Variants in CNTN1 observed in about 807,000 individuals in gnomAD.
The protein encoded by CNTN1 is contactin-1.
CNTN1 carries 38 observed loss-of-function variants against 126.4 expected under a neutral mutation model. The ratio of observed to expected loss-of-function variants is 0.30; its 90% confidence interval spans 0.23 to 0.39. The LOEUF (loss-of-function observed/expected upper bound fraction) is 0.39. Ranked by LOEUF, CNTN1 falls within the 10% of genes least tolerant of loss-of-function variation. CNTN1 has a pLI of 1.00. For missense variants in CNTN1, 1,009 were observed against 1,248.4 expected (o/e 0.81, Z 2.89); for synonymous variants, 413 against 422.6 (o/e 0.98, Z 0.28).
chr12:40,937,107 TTC>T (rs753079299), intron 10 of CNTN1, among the ~76,000 whole-genome samples: 3 of 151,682 alleles, frequency 2.0e-5, no homozygotes, highest in Non-Finnish European at 2.9e-5. Flanking sequence ...TTACTCTACC[TTC>T]TCTCTCTCTC....
chr12:40,972,744 T>C (rs1947558825), intron 15 of CNTN1: 1 of 743,946 alleles, frequency 1.3e-6, no homozygotes, highest in African/African-American at 1.9e-5. Context: ...ATGTTTAAAA[T>C]CAATTTGAGA....
intron 1 of CNTN1, among the ~76,000 whole-genome samples, chr12:40,873,671 T>C (rs988343002): frequency 9.2e-5 from 14 of 152,186 alleles, no homozygotes; most frequent in African/African-American, 3.4e-4. Context: ...GGATCTTCCT[T>C]TTAGAATACA....
At position 40,939,428 on chromosome 12, in the gene CNTN1, C is replaced by T; in HGVS notation, c.1322C>T (p.Ala441Val). The T allele has an allele frequency of 6.2e-7, 1 of 1,613,902 alleles. No homozygotes were observed. Among genetic ancestry groups the T allele is most frequent in the South Asian group, 1.1e-5 (1 of 91,084 alleles). ...RVIIECKPKA[A>V]PKPKFSWSKG... is the part of the protein sequence containing the mutation. ...ATAATTGAATGCAAACCTAAAGCTG[C>T]ACCGAAACCAAAGTTTTCATGGAGT... is the stretch of plus-strand genomic sequence containing the variant. The change falls in exon 12 of 24, where the codon GCA (alanine) becomes GTA (valine). Residue 441 changes from alanine (A) to valine (V), a missense_variant. Ala to Val is a moderately conservative substitution (Grantham distance 64). Transcript: ENST00000551295.
intron 1 of CNTN1, among the ~76,000 whole-genome samples, chr12:40,693,668 G>A (rs1941366113): frequency 6.6e-6 from 1 of 152,128 alleles, no homozygotes; most frequent in Admixed American, 6.5e-5. Context: ...GTGTGCTTGT[G>A]TGTGCACATC....
chr12:40,715,487 C>A (rs1822597), intron 1 of CNTN1, among the ~76,000 whole-genome samples: 1 of 151,980 alleles, frequency 6.6e-6, no homozygotes, highest in South Asian at 2.1e-4. Context: ...CAAAAGTAAC[C>A]GCATGAACTT....
At chr12:40,949,665 C>G (rs1481164220) in intron 14 of CNTN1, among the ~76,000 whole-genome samples, 2 of 146,132 alleles carry the variant, frequency 1.4e-5, no homozygotes, top group African/African-American at 5.1e-5. Context: ...TGCAACCTCT[C>G]CCAGGTTCAA....
chr12:40,982,548 A>C (rs978446683), intron 16 of CNTN1, among the ~76,000 whole-genome samples: 1 of 152,136 alleles, frequency 6.6e-6, no homozygotes, highest in Admixed American at 6.6e-5. Flanking sequence ...AAGTTCCATG[A>C]AGGTAAAAAC....
At chr12:40,797,763 A>G (rs1940493545) in intron 1 of CNTN1, among the ~76,000 whole-genome samples, 1 of 152,042 alleles carries the variant, frequency 6.6e-6, no homozygotes, top group African/African-American at 2.4e-5. Flanking sequence ...GAGAGAAAGA[A>G]TACAATGGAT....
chr12:40,840,297 C>A (rs563748706), intron 1 of CNTN1, among the ~76,000 whole-genome samples: 5 of 151,830 alleles, frequency 3.3e-5, no homozygotes, highest in Non-Finnish European at 7.4e-5. Flanking sequence ...GAGAATATAA[C>A]AATTCTATAT....
chr12:41,051,575 A>G (rs73126938), intron 23 of CNTN1, among the ~76,000 whole-genome samples: 1,627 of 152,148 alleles, frequency 0.011, 7 homozygotes, highest in Middle Eastern at 0.024. Flanking sequence ...CACAAAATCT[A>G]CTATTATATT....
At chr12:40,710,944 C>G (rs1448431083) in intron 1 of CNTN1, among the ~76,000 whole-genome samples, 1 of 151,980 alleles carries the variant, frequency 6.6e-6, no homozygotes, top group Non-Finnish European at 1.5e-5. Context: ...TTAAATTCAG[C>G]CTTTTTCCAC....
Position 40,795,274 on chromosome 12 carries a change from TACACACAC to T in CNTN1, c.-77+102720_-77+102727del, listed in dbSNP as rs71078269. ...ATCTCTGTAAACATGTCTACATGTATACACACACACACACACACACACACACACACACA... is the reference window on the plus strand; with the variant it reads ...ATCTCTGTAAACATGTCTACATGTATACACACACACACACACACACACACA... On this transcript the variant is annotated intron_variant, in intron 1 of 23. Coordinates refer to ENST00000551295, the MANE Select transcript of CNTN1 (RefSeq NM_001843.4). Among the ~76,000 whole-genome samples the T allele has an allele frequency of 9.3e-3, 1,157 of 124,132 alleles. 13 individuals are homozygous for T. Among genetic ancestry groups the T allele is most frequent in the Middle Eastern group, 0.028 (7 of 246 alleles). 81.4% of individuals were successfully genotyped at this position (124,132 alleles called of 152,430 possible). A position where few individuals can be genotyped will look rare whatever the true frequency, so the allele number is the denominator to read the frequency against.
At chr12:40,991,612 G>C (rs1180387486) in intron 16 of CNTN1, among the ~76,000 whole-genome samples, 1 of 152,104 alleles carries the variant, frequency 6.6e-6, no homozygotes, top group Non-Finnish European at 1.5e-5. Context: ...GGTGGATCAC[G>C]AGGTCAGGAG....
chr12:40,807,550 G>T (rs1940906162), intron 1 of CNTN1, among the ~76,000 whole-genome samples: 1 of 152,124 alleles, frequency 6.6e-6, no homozygotes, highest in African/African-American at 2.4e-5. Flanking sequence ...AAGGACTCTG[G>T]AATAGTACTG....
At chr12:41,037,611 G>C (rs935695982) in intron 23 of CNTN1, among the ~76,000 whole-genome samples, 4 of 150,708 alleles carry the variant, frequency 2.7e-5, no homozygotes, top group African/African-American at 9.8e-5. Flanking sequence ...CCATTTATAT[G>C]AAGTTTAAAA....
At chr12:40,817,475 C>CTTTT (rs758574869) in intron 1 of CNTN1, among the ~76,000 whole-genome samples, 12 of 40,718 alleles carry the variant, frequency 2.9e-4, no homozygotes, top group African/African-American at 1.0e-3. Context: ...GCAACCCCTG[C>CTTTT]TTTTTTTTTT....
At chr12:40,916,367 G>A (rs1243606263) in intron 3 of CNTN1, among the ~76,000 whole-genome samples, 2 of 152,068 alleles carry the variant, frequency 1.3e-5, no homozygotes, top group Non-Finnish European at 2.9e-5. Flanking sequence ...TCAAGGAATA[G>A]CTTATGAAAT....
intron 1 of CNTN1, among the ~76,000 whole-genome samples, chr12:40,738,447 T>C (rs1937793981): frequency 6.6e-6 from 1 of 152,072 alleles, no homozygotes; most frequent in Admixed American, 6.6e-5. Flanking sequence ...ACTTTTGTGT[T>C]GTGAAGCATT....
intron 1 of CNTN1, among the ~76,000 whole-genome samples, chr12:40,752,453 G>T (rs951984174): frequency 2.6e-5 from 4 of 151,952 alleles, no homozygotes; most frequent in Admixed American, 1.3e-4. Context: ...CATTTTAAGT[G>T]GTAGAAACTG....
Sources: allele counts gnomAD v4.1 joint callset (sites outside exome capture counted in the v4.1 genomes callset), GRCh38; gene constraint gnomAD v4.1.1; transcripts MANE v1.5; gene names NCBI Gene and HGNC (gene_info 2026-07-23, HGNC 2026-07-21).